The following TMEM108 variants were observed in gnomAD, a reference collection of about 807,000 sequenced individuals.
TMEM108 encodes transmembrane protein 108.
Under a neutral mutation model 35.1 loss-of-function variants are expected in TMEM108, and 12 were observed. That is an observed-to-expected ratio of 0.34 (90% confidence interval 0.22 to 0.55). The LOEUF is 0.55. TMEM108 is among the 20% of genes least tolerant of loss of function. The pLI is 0.89. For missense variants in TMEM108, 680 were observed against 753.3 expected (o/e 0.90, Z 1.14); for synonymous variants, 287 against 308.6 (o/e 0.93, Z 0.73).
intron 1 of TMEM108, among the ~76,000 whole-genome samples, chr3:133,045,227 C>T (rs1943321786): frequency 6.6e-6 from 1 of 152,162 alleles, no homozygotes; most frequent in Admixed American, 6.5e-5. Context: ...CTCAACCTCC[C>T]AAAGTGCTGG....
At chr3:133,386,986 C>T in intron 4 of TMEM108, 1 of 986,524 alleles carries the variant, frequency 1.0e-6, no homozygotes, top group Non-Finnish European at 1.2e-6. Context: ...TGGGTCAGTG[C>T]TGGGAATATA....
intron 4 of TMEM108, among the ~76,000 whole-genome samples, chr3:133,383,266 C>G (rs547671851): frequency 6.6e-6 from 1 of 152,292 alleles, no homozygotes; most frequent in South Asian, 2.1e-4. Context: ...AAAGCAGGAA[C>G]AAGCAAACAC....
chr3:133,212,827 A>G (rs1230350855), intron 2 of TMEM108, among the ~76,000 whole-genome samples: 2 of 145,442 alleles, frequency 1.4e-5, no homozygotes, highest in African/African-American at 5.0e-5. Context: ...AAATTGCACC[A>G]CTGCACTCCA....
At chr3:133,321,274 ACC>A (rs2107719398) in intron 3 of TMEM108, among the ~76,000 whole-genome samples, 1 of 152,328 alleles carries the variant, frequency 6.6e-6, no homozygotes, top group South Asian at 2.1e-4. Flanking sequence ...CAAGAGACTC[ACC>A]TAACACATAA....
chr3:133,300,004 A>G (rs932237769), intron 3 of TMEM108, among the ~76,000 whole-genome samples: 1 of 152,298 alleles, frequency 6.6e-6, no homozygotes, highest in African/African-American at 2.4e-5. Context: ...TGTTCAGGTA[A>G]ATTGCAGTGA....
chr3:133,278,717 C>T (rs1485377734), intron 3 of TMEM108, among the ~76,000 whole-genome samples: 2 of 152,096 alleles, frequency 1.3e-5, no homozygotes, highest in Non-Finnish European at 2.9e-5. Flanking sequence ...ATATATCAGT[C>T]CTTCACTGAC....
chr3:133,392,637 T>G (rs767246798), intron 5 of TMEM108, among the ~76,000 whole-genome samples: 7 of 152,158 alleles, frequency 4.6e-5, no homozygotes, highest in African/African-American at 4.8e-5. Flanking sequence ...ATTGAACCCT[T>G]GATTTCGCCC....
intron 1 of TMEM108, 102 bp from the exon 2 acceptor site, chr3:133,045,800 G>A (rs1317389882): frequency 6.6e-6 from 1 of 152,604 alleles, no homozygotes; most frequent in Non-Finnish European, 1.5e-5. Flanking sequence ...TATTATACAT[G>A]TTTGGGTAAG....
At chr3:133,385,139 A>G (rs2073114112) in intron 4 of TMEM108, among the ~76,000 whole-genome samples, 1 of 152,222 alleles carries the variant, frequency 6.6e-6, no homozygotes, top group Non-Finnish European at 1.5e-5. Flanking sequence ...TGAGTTTATA[A>G]TTATTATATA....
chr3:133,094,605 G>T (rs9865345), intron 2 of TMEM108, among the ~76,000 whole-genome samples: 3 of 152,036 alleles, frequency 2.0e-5, no homozygotes, highest in Non-Finnish European at 4.4e-5. Flanking sequence ...CATATCGCCA[G>T]CATATGGCAC....
intron 2 of TMEM108, among the ~76,000 whole-genome samples, chr3:133,128,132 G>A (rs144665803): frequency 6.6e-6 from 1 of 152,324 alleles, no homozygotes; most frequent in Non-Finnish European, 1.5e-5. Flanking sequence ...AACTTGGTTG[G>A]TACATAGTAT....
At chr3:133,167,593 G>A (rs546374094) in intron 2 of TMEM108, among the ~76,000 whole-genome samples, 1 of 152,372 alleles carries the variant, frequency 6.6e-6, no homozygotes, top group Non-Finnish European at 1.5e-5. Flanking sequence ...TGGGCCGGCA[G>A]TGCTGGGGGA....
At chr3:133,364,165 G>A (rs917991777) in intron 3 of TMEM108, among the ~76,000 whole-genome samples, 9 of 152,232 alleles carry the variant, frequency 5.9e-5, no homozygotes, top group Non-Finnish European at 1.3e-4. Context: ...ACTTGTCCCA[G>A]GCCACTGAGC....
At chr3:133,125,620 C>T (rs1944405459) in intron 2 of TMEM108, among the ~76,000 whole-genome samples, 1 of 152,130 alleles carries the variant, frequency 6.6e-6, no homozygotes, top group Non-Finnish European at 1.5e-5. Flanking sequence ...AATTATCAGT[C>T]AGTCAATATT....
intron 2 of TMEM108, among the ~76,000 whole-genome samples, chr3:133,087,676 G>A (rs946953710): frequency 5.9e-5 from 9 of 152,272 alleles, no homozygotes; most frequent in Non-Finnish European, 8.8e-5. Context: ...GCTCCCTGGC[G>A]TTGTTGGTTA....
chr3:133,214,237 A>G (rs189657570), intron 2 of TMEM108, among the ~76,000 whole-genome samples: 2 of 152,320 alleles, frequency 1.3e-5, no homozygotes, highest in Admixed American at 6.5e-5. Context: ...TCAGAGCTCA[A>G]GAAACTAGTT....
At chr3:133,087,661 C>T (rs1366196234) in intron 2 of TMEM108, among the ~76,000 whole-genome samples, 3 of 152,206 alleles carry the variant, frequency 2.0e-5, no homozygotes, top group Admixed American at 1.3e-4. Flanking sequence ...AGGTATCCTT[C>T]TTGGGCTCCC....
chr3:133,233,766 T>A (rs2107655269), intron 3 of TMEM108, among the ~76,000 whole-genome samples: 1 of 151,298 alleles, frequency 6.6e-6, no homozygotes, highest in East Asian at 1.9e-4. Flanking sequence ...ATTGTGGTTT[T>A]GATTTGCATT....
At chr3:133,057,419 A>AG (rs1943478237) in intron 2 of TMEM108, among the ~76,000 whole-genome samples, 2 of 65,322 alleles carry the variant, frequency 3.1e-5, no homozygotes, top group Non-Finnish European at 6.6e-5. Flanking sequence ...ATGGGCTATT[A>AG]GTTGTGTGTG....
Sources: allele counts gnomAD v4.1 joint callset (sites outside exome capture counted in the v4.1 genomes callset), GRCh38; gene constraint gnomAD v4.1.1; transcripts MANE v1.5; gene names NCBI Gene and HGNC (gene_info 2026-07-23, HGNC 2026-07-21).